The following DENND2C variants were observed in gnomAD, a reference collection of about 807,000 sequenced individuals.
DENND2C encodes DENN domain-containing protein 2C.
A neutral mutation model predicts 112.4 loss-of-function variants in DENND2C; 72 were observed. That is an observed-to-expected ratio of 0.64 (90% confidence interval 0.53 to 0.78). The LOEUF (loss-of-function observed/expected upper bound fraction) is 0.78, where lower values mean the gene tolerates loss of function less well. Ranked by LOEUF, DENND2C falls within the 30% of genes least tolerant of loss-of-function variation. The probability of loss-of-function intolerance (pLI) is 0.00; values close to 1 mark genes in which losing one functional copy is unlikely to be tolerated. For synonymous variants in DENND2C, 329 were observed against 381.6 expected (o/e 0.86, Z 1.61); for missense variants, 992 against 1,113.8 (o/e 0.89, Z 1.56).
rs1655000416 is a variant in DENND2C, at chr1:114,584,884, G to A, written c.*716C>T. On this transcript the variant is annotated 3_prime_UTR_variant, in exon 21 of 21. Transcript: ENST00000393274. ...CCAAAGTGGTGGAGATTACAGGTGT[G>A]AGCCACTGCATCCAGCCTCCACAAA... The A allele has an allele frequency of 6.6e-6, 1 of 152,114 alleles. No individual in the cohort carries two copies. Among genetic ancestry groups the A allele is most frequent in the South Asian group, 2.1e-4 (1 of 4,824 alleles). The allele number at this position is 152,114 out of a possible 1,614,324, so 9.4% of individuals were successfully genotyped here. A position where few individuals can be genotyped will look rare whatever the true frequency, so the allele number is the denominator to read the frequency against.
In DENND2C at chr1:114,584,474, A is replaced by C. The variant is rs1654988545; in HGVS notation, c.*1126T>G. On this transcript the variant is annotated 3_prime_UTR_variant, in exon 21 of 21. Transcript: ENST00000393274. ...GTATTTTTAGTAGAGACAGAGTTTCACCATGTTGCCAGGCTGGTCTCGAAC... is the reference window on the plus strand; with the variant it reads ...GTATTTTTAGTAGAGACAGAGTTTCCCCATGTTGCCAGGCTGGTCTCGAAC... The C allele has an allele frequency of 6.6e-6, 1 of 152,094 alleles. No homozygotes were observed. Among genetic ancestry groups the C allele is most frequent in the Admixed American group, 6.6e-5 (1 of 15,254 alleles). The allele number at this position is 152,094 out of a possible 1,614,324, so 9.4% of individuals were successfully genotyped here.
At chr1:114,611,455 T>G (rs1219583161) in intron 8 of DENND2C, among the ~76,000 whole-genome samples, 1 of 152,218 alleles carries the variant, frequency 6.6e-6, no homozygotes, top group African/African-American at 2.4e-5. Context: ...TAGTTGTTTG[T>G]ATATTCCAAA....
At position 114,625,430 on chromosome 1, in the gene DENND2C, G is replaced by A. The variant is rs374406910; in HGVS notation, c.555C>T (p.Tyr185=). 2.9e-5 allele frequency: 47 copies of A among 1,614,062 alleles called. No homozygotes were observed. In the East Asian group the frequency reaches 4.7e-4, roughly 16 times the overall value. Residue 185 remains tyrosine, a synonymous_variant, in exon 4 of 21, where the codon TAC becomes TAT. Coordinates refer to ENST00000393274, the MANE Select transcript of DENND2C (RefSeq NM_001256404.2). ...ELNFRVLDSS[Y]GITKSLENIY... ...TATTTTCTAAGCTCTTGGTTATTCC[G>A]TATGAACTATCCAGAACTCTGAAGT...
At chr1:114,601,380 C>G (rs913593588) in intron 13 of DENND2C, 128 bp downstream of exon 13, 7 of 863,280 alleles carry the variant, frequency 8.1e-6, no homozygotes, top group Non-Finnish European at 1.3e-5. Context: ...TAAGTTTAAG[C>G]CTTCAGGCAC....
chr1:114,614,941 G>A (rs1416998895), intron 8 of DENND2C, among the ~76,000 whole-genome samples: 3 of 151,654 alleles, frequency 2.0e-5, no homozygotes, highest in Non-Finnish European at 4.4e-5. Flanking sequence ...TTAAACCCAG[G>A]AAGCAGAGGT....
At position 114,622,011 on chromosome 1, in the gene DENND2C, G is replaced by C. The variant is rs1435816915; in HGVS notation, c.1111C>G (p.Gln371Glu). The C allele has an allele frequency of 1.3e-6, 2 of 1,550,576 alleles. No homozygotes were observed. Among genetic ancestry groups the C allele is most frequent in the South Asian group, 1.2e-5 (1 of 83,964 alleles). Residue 371 changes from glutamine to glutamate, a missense_variant, in exon 7 of 21, where the codon CAG becomes GAG. Gln to Glu is a conservative substitution (Grantham distance 29). Coordinates refer to ENST00000393274, the MANE Select transcript of DENND2C (RefSeq NM_001256404.2). The stretch of plus-strand genomic sequence containing the variant: ...GTAAGCTTTGACCGCAAATAAGCCT[G>C]TGAGTTCTTTACTTCCATAGTCTTC... ...HRKTMEVKNS[Q>E]AYLRSKLTKD...
intron 16 of DENND2C, 42 bp from the exon 17 acceptor site, chr1:114,595,915 C>A: frequency 6.3e-7 from 1 of 1,583,008 alleles, no homozygotes; most frequent in South Asian, 1.1e-5. Context: ...CAGAGACATT[C>A]ACAGACAAAT....
At chr1:114,608,554 G>A in intron 10 of DENND2C, 132 bp downstream of exon 10, 2 of 999,832 alleles carry the variant, frequency 2.0e-6, no homozygotes, top group Non-Finnish European at 2.9e-6. Flanking sequence ...TGTTTTCAAA[G>A]CCACCAGATC....
chr1:114,585,519 C>T lies in DENND2C; in HGVS notation c.*81G>A. 1 of 1,480,258 alleles carries T rather than the reference C, an allele frequency of 6.8e-7. No individual in the cohort carries two copies. The highest frequency in any genetic ancestry group is 1.8e-5 in the Admixed American group (1 of 54,568). 91.7% of individuals were successfully genotyped at this position (1,480,258 alleles called of 1,614,324 possible). A position where few individuals can be genotyped will look rare whatever the true frequency, so the allele number is the denominator to read the frequency against. On this transcript the variant is annotated 3_prime_UTR_variant, in exon 21 of 21. Transcript: ENST00000393274. ...AAAATTTCAAGAATTTTGTAGAATA[C>T]TTCATGGGATCCTGACCCTTAGAAA... is the stretch of plus-strand genomic sequence containing the variant.
At chr1:114,651,200 G>A (rs1191400529) in intron 2 of DENND2C, among the ~76,000 whole-genome samples, 1 of 151,920 alleles carries the variant, frequency 6.6e-6, no homozygotes, top group Non-Finnish European at 1.5e-5. Flanking sequence ...CACTTTGGGA[G>A]GCCAAGGCAG....
chr1:114,640,235 G>A (rs1262914644), intron 3 of DENND2C, among the ~76,000 whole-genome samples: 1 of 152,166 alleles, frequency 6.6e-6, no homozygotes, highest in Non-Finnish European at 1.5e-5. Context: ...CAGATCATGT[G>A]CTTGTCCCAG....
chr1:114,639,191 TG>T (rs1656746608), intron 3 of DENND2C, among the ~76,000 whole-genome samples: 1 of 152,164 alleles, frequency 6.6e-6, no homozygotes, highest in Admixed American at 6.5e-5. Flanking sequence ...TACAAAAGAT[TG>T]GAGCACCTGC....
rs1655328737 is a variant in DENND2C at position 114,595,865 on chromosome 1, T to C, written c.2292A>G (p.Ile764Met). 3 of 1,613,740 alleles carry C rather than the reference T, an allele frequency of 1.9e-6. No individual in the cohort carries two copies. The highest frequency in any genetic ancestry group is 1.3e-5 in the African/African-American group (1 of 74,924). The change falls in exon 17 of 21, where the codon ATA becomes ATG. Residue 764 changes from isoleucine to methionine, a missense_variant. Transcript: ENST00000393274. The stretch of plus-strand genomic sequence containing the variant: ...AGAACTTGTCTGCACAGAGATCAAC[T>C]ATCAGCACCTATGAAATAAAGGAGC... ...LQDLPIEEVL[I>M]VDLCADKFLQ...
chr1:114,595,436 T>C (rs1244559205), intron 17 of DENND2C: 2 of 156,426 alleles, frequency 1.3e-5, no homozygotes, highest in East Asian at 1.9e-4. Flanking sequence ...TGAGCCGAGA[T>C]TGCGCCACTG....
intron 3 of DENND2C, among the ~76,000 whole-genome samples, chr1:114,628,803 T>C (rs775679723): frequency 1.6e-4 from 24 of 152,264 alleles, no homozygotes; most frequent in Non-Finnish European, 3.2e-4. Flanking sequence ...CAGCGCCTCC[T>C]CTCCCATGGC....
chr1:114,664,725 G>A (rs901035220), intron 1 of DENND2C, among the ~76,000 whole-genome samples: 2 of 151,226 alleles, frequency 1.3e-5, no homozygotes, highest in African/African-American at 2.4e-5. Context: ...GTGACCCACC[G>A]CCTTGGCCTC....
intron 3 of DENND2C, among the ~76,000 whole-genome samples, chr1:114,633,395 G>A (rs1383577626): frequency 3.0e-5 from 4 of 131,690 alleles, no homozygotes; most frequent in East Asian, 2.2e-4. Flanking sequence ...AGCCAAGATC[G>A]CACCACTGTG....
At chr1:114,590,462 T>TCA (rs1384019131) in intron 18 of DENND2C, among the ~76,000 whole-genome samples, 2 of 152,092 alleles carry the variant, frequency 1.3e-5, no homozygotes, top group Non-Finnish European at 2.9e-5. Flanking sequence ...GTTTTTGCTA[T>TCA]CACATATAAT....
chr1:114,635,916 G>A (rs1050984534), intron 3 of DENND2C, among the ~76,000 whole-genome samples: 3 of 151,916 alleles, frequency 2.0e-5, no homozygotes, highest in Non-Finnish European at 4.4e-5. Context: ...TGAGGTAGGA[G>A]GATTGCTTGA....
Sources: gnomAD v4.1 joint callset for allele counts (sites outside exome capture counted in the v4.1 genomes callset) on GRCh38, gnomAD v4.1.1 for gene constraint, MANE v1.5 for transcripts, NCBI Gene and HGNC (gene_info 2026-07-23, HGNC 2026-07-21) for gene names.